CPLX1: variants seen among roughly 807,000 people sequenced by gnomAD.
CPLX1 encodes complexin-1.
A neutral mutation model predicts 15.6 loss-of-function variants in CPLX1; 6 were observed. That is an observed-to-expected ratio of 0.39 (90% confidence interval 0.21 to 0.76). The LOEUF (loss-of-function observed/expected upper bound fraction) is 0.76, where lower values mean the gene tolerates loss of function less well. CPLX1 is among the 30% of genes least tolerant of loss of function. CPLX1 has a pLI of 0.43. For synonymous variants in CPLX1, 91 were observed against 75.2 expected, an observed-to-expected ratio of 1.21 and a Z score of -1.08; for missense variants, 242 against 188.6, an observed-to-expected ratio of 1.28 and a Z score of -1.66.
At chr4:799,580 A>AG (rs1746412084) in intron 2 of CPLX1, among the ~76,000 whole-genome samples, 1 of 152,086 alleles carries the variant, frequency 6.6e-6, no homozygotes, top group Admixed American at 6.6e-5. Flanking sequence ...TATCCTCTGT[A>AG]GGCTGGGCAT....
intron 2 of CPLX1, among the ~76,000 whole-genome samples, chr4:793,684 G>A (rs1008259783): frequency 2.6e-5 from 4 of 152,174 alleles, no homozygotes; most frequent in Admixed American, 2.0e-4. Flanking sequence ...TGTGTGTGAG[G>A]GGACTCTGGC....
intron 2 of CPLX1, among the ~76,000 whole-genome samples, chr4:822,449 G>C (rs757716841): frequency 2.6e-5 from 4 of 151,976 alleles, no homozygotes; most frequent in Non-Finnish European, 5.9e-5. Context: ...TCTCTGACGT[G>C]CCGTCTCTGT....
chr4:807,610 G>C (rs542415084), intron 2 of CPLX1, among the ~76,000 whole-genome samples: 29 of 152,134 alleles, frequency 1.9e-4, no homozygotes, highest in African/African-American at 5.5e-4. Flanking sequence ...AAGTAGCTGA[G>C]ATTACGGGCA....
chr4:790,092 G>A lies in CPLX1; in HGVS notation c.207+2341C>T, dbSNP rs1280457845. Among the ~76,000 whole-genome samples, 24 of 151,848 alleles carry A rather than the reference G, an allele frequency of 1.6e-4. 1 individual carries two copies. The highest frequency in any genetic ancestry group is 1.6e-3 in the Admixed American group (24 of 15,266). On this transcript the variant is annotated intron_variant, in intron 3 of 3. Coordinates refer to ENST00000304062, the MANE Select transcript of CPLX1 (RefSeq NM_006651.4). ...TTCCCCCACCCCAACAGGTGGCCAC[G>A]CCTGAGGGCGGGGTTCCCCCACCCC...
At position 786,432 on chromosome 4, in the gene CPLX1, C is replaced by T; in HGVS notation, c.*69G>A. ...TGGGGGCTGCGCTCTGCTCGTCCCT[C>T]AGGGGCCTCCGCGGAGGATCTGTAG... On this transcript the variant is annotated 3_prime_UTR_variant, in exon 4 of 4. Coordinates refer to ENST00000304062, the MANE Select transcript of CPLX1 (RefSeq NM_006651.4). 5 of 1,469,272 alleles carry T rather than the reference C, an allele frequency of 3.4e-6. No homozygotes were observed. Among genetic ancestry groups the T allele is most frequent in the Non-Finnish European group, 4.5e-6 (5 of 1,100,204 alleles). 91.0% of individuals were successfully genotyped at this position (1,469,272 alleles called of 1,614,324 possible). A position where few individuals can be genotyped will look rare whatever the true frequency, so the allele number is the denominator to read the frequency against.
intron 2 of CPLX1, among the ~76,000 whole-genome samples, chr4:801,206 C>A (rs923050195): frequency 4.0e-5 from 6 of 151,014 alleles, no homozygotes; most frequent in Non-Finnish European, 4.4e-5. Flanking sequence ...CCTGCAGTCC[C>A]AGCTACTAGG....
chr4:786,256 A>C lies in CPLX1; in HGVS notation c.*245T>G. The C allele has an allele frequency of 2.8e-6, 1 of 359,536 alleles. No homozygotes were observed. The highest frequency in any genetic ancestry group is 5.0e-6 in the Non-Finnish European group (1 of 201,420). The allele number at this position is 359,536 out of a possible 1,614,324, so 22.3% of individuals were successfully genotyped here. On this transcript the variant is annotated 3_prime_UTR_variant, in exon 4 of 4. Coordinates refer to ENST00000304062, the MANE Select transcript of CPLX1 (RefSeq NM_006651.4). ...TGGGTGGGCGGTAAACAGCAAGAGA[A>C]AGGGGCGTCCCAGGCGATGGGGCTC... is the stretch of plus-strand genomic sequence containing the variant.
intron 2 of CPLX1, among the ~76,000 whole-genome samples, chr4:821,086 T>C (rs998378658): frequency 6.6e-6 from 1 of 152,216 alleles, no homozygotes; most frequent in Non-Finnish European, 1.5e-5. Context: ...CATGTAGGAC[T>C]GGACACAGAA....
In CPLX1 at chr4:786,398, A is replaced by C; in HGVS notation, c.*103T>G. 10 of 1,317,388 alleles carry C rather than the reference A, an allele frequency of 7.6e-6. No individual in the cohort carries two copies. The highest frequency in any genetic ancestry group is 1.0e-5 in the Non-Finnish European group (10 of 989,366). The allele number at this position is 1,317,388 out of a possible 1,614,324, so 81.6% of individuals were successfully genotyped here. A position where few individuals can be genotyped will look rare whatever the true frequency, so the allele number is the denominator to read the frequency against. ...CAGGGCGGGCCTGGGGCTATGGCTT[A>C]TATCGGCGTGGGGGCTGCGCTCTGC... On this transcript the variant is annotated 3_prime_UTR_variant, in exon 4 of 4. Coordinates refer to ENST00000304062, the MANE Select transcript of CPLX1 (RefSeq NM_006651.4).
intron 2 of CPLX1, chr4:804,761 G>A (rs1193692092): frequency 1.6e-5 from 16 of 985,262 alleles, no homozygotes; most frequent in African/African-American, 1.7e-5. Flanking sequence ...CGCACCTTGC[G>A]GGGGCTCGGG....
At chr4:789,590 C>T (rs922247821) in intron 3 of CPLX1, among the ~76,000 whole-genome samples, 1 of 152,164 alleles carries the variant, frequency 6.6e-6, no homozygotes, top group Non-Finnish European at 1.5e-5. Context: ...TGTGGGCTGC[C>T]CAACATGGGT....
intron 2 of CPLX1, among the ~76,000 whole-genome samples, chr4:812,588 C>T (rs1490886321): frequency 6.6e-6 from 1 of 152,126 alleles, no homozygotes. Flanking sequence ...CCGCTCGAAT[C>T]CCACCTAGCA....
chr4:790,458 G>A (rs1399547797), intron 3 of CPLX1, among the ~76,000 whole-genome samples: 1 of 152,118 alleles, frequency 6.6e-6, no homozygotes, highest in African/African-American at 2.4e-5. Flanking sequence ...CCTCTCCTGG[G>A]CCTCACTCTC....
At chr4:824,696 G>T (rs773443102) in intron 1 of CPLX1, 95 bp from the exon 2 acceptor site, 22 of 749,756 alleles carry the variant, frequency 2.9e-5, no homozygotes, top group Non-Finnish European at 3.8e-5. Context: ...TACCTTGTGG[G>T]CTGGACCCTC....
intron 3 of CPLX1, chr4:786,974 G>GC: frequency 1.0e-6 from 1 of 985,338 alleles, no homozygotes; most frequent in Non-Finnish European, 1.2e-6. Context: ...GAGGGCTGTG[G>GC]CCCCACCTCT....
In CPLX1 at chr4:801,235, T is replaced by C. The variant is rs143292189; in HGVS notation, c.32-8627A>G. 3.1e-3 allele frequency among the ~76,000 whole-genome samples: 469 copies of C among 151,136 alleles called. 2 individuals carry two copies. Among genetic ancestry groups the C allele is most frequent in the African/African-American group, 0.011 (443 of 41,116 alleles). ...TACTAGGGAGGCTGAGGCAGGAGAA[T>C]TGCTTGAACCTGGGAGGTGGAGGTT... On this transcript the variant is annotated intron_variant, in intron 2 of 3. Coordinates refer to ENST00000304062, the MANE Select transcript of CPLX1 (RefSeq NM_006651.4).
chr4:801,116 T>C (rs1746448028), intron 2 of CPLX1, among the ~76,000 whole-genome samples: 1 of 150,200 alleles, frequency 6.7e-6, no homozygotes, highest in African/African-American at 2.5e-5. Context: ...AGATTGAGAA[T>C]AGCCTGGCTA....
intron 2 of CPLX1, among the ~76,000 whole-genome samples, chr4:793,901 T>G (rs1412457986): frequency 6.6e-6 from 1 of 152,208 alleles, no homozygotes; most frequent in Non-Finnish European, 1.5e-5. Context: ...AATTGTGGGT[T>G]AGACTAACAC....
chr4:791,918 G>A (rs1746188019), intron 3 of CPLX1, among the ~76,000 whole-genome samples: 1 of 152,230 alleles, frequency 6.6e-6, no homozygotes, highest in Non-Finnish European at 1.5e-5. Flanking sequence ...CGGCTGTCGG[G>A]ACCCAGGCTG....
Sources: gnomAD v4.1 joint callset for allele counts (sites outside exome capture counted in the v4.1 genomes callset) on GRCh38, gnomAD v4.1.1 for gene constraint, MANE v1.5 for transcripts, NCBI Gene and HGNC (gene_info 2026-07-23, HGNC 2026-07-21) for gene names.